Variants in GLDC observed in about 807,000 individuals in gnomAD.
GLDC encodes glycine dehydrogenase (decarboxylating), mitochondrial.
A neutral mutation model predicts 121.3 loss-of-function variants in GLDC; 104 were observed. That is an observed-to-expected ratio of 0.86 (90% CI 0.73 to 1.01). The LOEUF is 1.01. GLDC is among the 50% of genes least tolerant of loss of function. The probability of loss-of-function intolerance (pLI) is 0.00; values close to 1 mark genes in which losing one functional copy is unlikely to be tolerated. For synonymous variants in GLDC, 546 were observed against 480.6 expected (o/e 1.14, Z -1.78); for missense variants, 1,429 against 1,306.6 (o/e 1.09, Z -1.44).
intron 7 of GLDC, 47 bp from the exon 8 acceptor site, chr9:6,602,252 T>A: frequency 9.2e-7 from 1 of 1,082,702 alleles, no homozygotes; most frequent in Non-Finnish European, 1.4e-6. Context: ...ATCACAGCAC[T>A]GGGAGATGCT....
chr9:6,614,218 A>G (rs1818923397), intron 3 of GLDC, among the ~76,000 whole-genome samples: 1 of 151,930 alleles, frequency 6.6e-6, no homozygotes, highest in Non-Finnish European at 1.5e-5. Flanking sequence ...CTAAGTATTA[A>G]GAAGCACTGG....
chr9:6,607,732 C>G (rs1818764736), intron 4 of GLDC, among the ~76,000 whole-genome samples: 1 of 152,006 alleles, frequency 6.6e-6, no homozygotes, highest in Non-Finnish European at 1.5e-5. Flanking sequence ...CAACCTCGAC[C>G]TCCAAGGTTC....
chr9:6,622,581 T>C (rs1408431292), intron 2 of GLDC, among the ~76,000 whole-genome samples: 2 of 152,066 alleles, frequency 1.3e-5, no homozygotes, highest in Non-Finnish European at 2.9e-5. Context: ...TGGCGTGATC[T>C]CGGCTCGCTA....
At chr9:6,577,094 T>A (rs868858307) in intron 15 of GLDC, among the ~76,000 whole-genome samples, 1 of 152,152 alleles carries the variant, frequency 6.6e-6, no homozygotes, top group Non-Finnish European at 1.5e-5. Context: ...TCTGTGCGCA[T>A]AACACAGAAA....
intron 2 of GLDC, among the ~76,000 whole-genome samples, chr9:6,625,971 G>T (rs566260881): frequency 6.6e-6 from 1 of 152,248 alleles, no homozygotes; most frequent in East Asian, 1.9e-4. Flanking sequence ...AAGCTGAGAA[G>T]AATCCTGAAC....
In GLDC at chr9:6,613,084, T is replaced by A. The variant is rs532044059; in HGVS notation, c.471-2728A>T. Among the ~76,000 whole-genome samples the A allele has an allele frequency of 7.9e-5, 12 of 152,302 alleles. No homozygotes were observed. In the East Asian group the frequency reaches 2.1e-3, roughly 27 times the overall value. On this transcript the variant is annotated intron_variant, in intron 3 of 24. Coordinates refer to ENST00000321612, the MANE Select transcript of GLDC (RefSeq NM_000170.3). ...GGAGGTAAGATGATTAACACTAAAT[T>A]TTCTTTTTATTGTATGTTCCAAATG...
Position 6,556,252 on chromosome 9 carries a change from G to A in GLDC, c.2103C>T (p.Ser701=). The change falls in exon 18 of 25, where the codon TCC becomes TCT. Residue 701 remains serine, a synonymous_variant. Coordinates refer to ENST00000321612, the MANE Select transcript of GLDC (RefSeq NM_000170.3). ...NLAAIMITYP[S]TNGVFEENIS... is the part of the protein sequence containing the mutation. The stretch of plus-strand genomic sequence containing the variant: ...TGTTCTCTTCAAACACCCCATTGGT[G>A]GATGGGTATGTAATCATGATAGCTG... 1 of 1,610,798 alleles carries A rather than the reference G, an allele frequency of 6.2e-7. No individual in the cohort carries two copies. The highest frequency in any genetic ancestry group is 8.5e-7 in the Non-Finnish European group (1 of 1,176,910).
chr9:6,592,092 C>A (rs767435857), intron 11 of GLDC, 51 bp downstream of exon 11: 1 of 1,126,340 alleles, frequency 8.9e-7, no homozygotes. Flanking sequence ...GCTACTTTTG[C>A]TACCACCTCC....
At position 6,558,539 on chromosome 9, in the gene GLDC, G is replaced by C. The variant is rs1256660293; in HGVS notation, c.2052+20C>G. On this transcript the variant is annotated intron_variant, in intron 17 of 24. Coordinates refer to ENST00000321612, the MANE Select transcript of GLDC (RefSeq NM_000170.3). ...CTCCCCATCCCGGCCTCTCCCATCT[G>C]CTAAGGAGAAGACAAGTACCATGGC... The C allele has an allele frequency of 6.2e-7, 1 of 1,613,798 alleles. No homozygotes were observed.
chr9:6,624,188 G>A (rs1038079890), intron 2 of GLDC, among the ~76,000 whole-genome samples: 2 of 152,252 alleles, frequency 1.3e-5, no homozygotes, highest in African/African-American at 2.4e-5. Context: ...AGATGGATAA[G>A]AGGAGTGTTA....
At chr9:6,607,626 T>G (rs1279983136) in intron 4 of GLDC, among the ~76,000 whole-genome samples, 1 of 151,674 alleles carries the variant, frequency 6.6e-6, no homozygotes, top group East Asian at 1.9e-4. Flanking sequence ...ATAAAATAGT[T>G]TATTTATTTA....
At chr9:6,638,229 T>G (rs989719457) in intron 2 of GLDC, among the ~76,000 whole-genome samples, 5 of 151,908 alleles carry the variant, frequency 3.3e-5, no homozygotes, top group African/African-American at 1.2e-4. Context: ...TTTTTTTTTT[T>G]GAGACAGAGT....
In GLDC at chr9:6,540,041, A is replaced by G. The variant is rs774684209; in HGVS notation, c.2665+10T>C. On this transcript the variant is annotated intron_variant, in intron 22 of 24. Transcript: ENST00000321612. ...CATGGGCGGCGGCATGAATGTCAAA[A>G]GCCACTTACCATAATCCTGGAGTCT... The G allele has an allele frequency of 3.2e-6, 5 of 1,576,340 alleles. No homozygotes were observed. The highest frequency in any genetic ancestry group is 2.2e-5 in the East Asian group (1 of 44,696).
intron 21 of GLDC, 111 bp downstream of exon 21, chr9:6,550,692 A>C (rs933873740): frequency 7.8e-6 from 6 of 771,030 alleles, no homozygotes; most frequent in African/African-American, 3.4e-5. Context: ...ATTTTCTGAT[A>C]TGTGCTAAGA....
chr9:6,582,333 A>G (rs533941490), intron 15 of GLDC, among the ~76,000 whole-genome samples: 5 of 151,302 alleles, frequency 3.3e-5, no homozygotes, highest in Non-Finnish European at 5.9e-5. Context: ...AGCTTGGCCA[A>G]CACGGCGAAA....
chr9:6,537,626 C>T (rs920658390), intron 22 of GLDC, among the ~76,000 whole-genome samples: 2 of 152,088 alleles, frequency 1.3e-5, no homozygotes, highest in African/African-American at 4.8e-5. Context: ...ACAAAAAATA[C>T]AAAAATTAGC....
intron 21 of GLDC, among the ~76,000 whole-genome samples, chr9:6,546,323 G>A (rs1196946748): frequency 2.6e-5 from 4 of 151,098 alleles, no homozygotes; most frequent in Non-Finnish European, 5.9e-5. Context: ...CTTCCAAGTA[G>A]CTGGGACTAC....
rs1031804226 is a variant in GLDC at position 6,580,902 on chromosome 9, T to C, written c.1850+6239A>G. On this transcript the variant is annotated intron_variant, in intron 15 of 24. Transcript: ENST00000321612. The stretch of plus-strand genomic sequence containing the variant: ...CATTTGCCAAAGGCCATGCCTACTA[T>C]AGGCAACCTGTAGCAGACAGGATCA... Among the ~76,000 whole-genome samples, 7 of 152,350 alleles carry C rather than the reference T, an allele frequency of 4.6e-5. No homozygotes were observed. The East Asian group carries it at 1.4e-3, about 29-fold the overall frequency.
chr9:6,553,741 G>A (rs1161398301), intron 19 of GLDC, among the ~76,000 whole-genome samples: 1 of 152,064 alleles, frequency 6.6e-6, no homozygotes, highest in Non-Finnish European at 1.5e-5. Flanking sequence ...GAAATGTGGT[G>A]GAGGGCTTGA....
Sources: gnomAD v4.1 joint callset for allele counts (sites outside exome capture counted in the v4.1 genomes callset) on GRCh38, gnomAD v4.1.1 for gene constraint, MANE v1.5 for transcripts, NCBI Gene and HGNC (gene_info 2026-07-23, HGNC 2026-07-21) for gene names.